The following RAP1GAP2 variants were observed in gnomAD, a reference collection of about 807,000 sequenced individuals.
RAP1GAP2 encodes rap1 GTPase-activating protein 2.
Under a neutral mutation model 95.0 loss-of-function variants are expected in RAP1GAP2, and 27 were observed. The observed-to-expected ratio is 0.28, with a 90% confidence interval of 0.21 to 0.39. The LOEUF (loss-of-function observed/expected upper bound fraction) is 0.39. Ranked by LOEUF, RAP1GAP2 falls within the 10% of genes least tolerant of loss-of-function variation. RAP1GAP2 has a pLI of 1.00. For missense variants in RAP1GAP2, 771 were observed against 970.0 expected (o/e 0.79, Z 2.72); for synonymous variants, 373 against 380.9 (o/e 0.98, Z 0.24).
rs142948037 is a variant in RAP1GAP2, at chr17:3,029,717, C to T, written c.2108-1205C>T. 5.1e-3 allele frequency among the ~76,000 whole-genome samples: 783 copies of T among 152,224 alleles called. 7 individuals are homozygous for T. Among genetic ancestry groups the T allele is most frequent in the African/African-American group, 0.018 (731 of 41,514 alleles). ...GGCTGCACTAAGCTTTCCATACCCT[C>T]GGCCAGAGGACAGCCAGAAAGTCAA... On this transcript the variant is annotated intron_variant, in intron 22 of 24. Transcript: ENST00000254695. This position sits in a 1 kb window ranked among gnomAD's most constrained non-coding sequence, Gnocchi z 4.4.
intron 8 of RAP1GAP2, among the ~76,000 whole-genome samples, chr17:2,968,021 A>G (rs1287852996): frequency 6.6e-6 from 1 of 152,200 alleles, no homozygotes; most frequent in African/African-American, 2.4e-5. Flanking sequence ...ATGGGTTTGT[A>G]AAAGAAGAGA....
Position 3,036,085 on chromosome 17 carries a change from A to G in RAP1GAP2, c.*2724A>G, listed in dbSNP as rs1224966047. The G allele has an allele frequency of 2.0e-5, 3 of 152,240 alleles. No homozygotes were observed. The highest frequency in any genetic ancestry group is 7.2e-5 in the African/African-American group (3 of 41,460). The allele number at this position is 152,240 out of a possible 1,614,324, so 9.4% of individuals were successfully genotyped here. On this transcript the variant is annotated 3_prime_UTR_variant, in exon 25 of 25. Coordinates refer to ENST00000254695, the MANE Select transcript of RAP1GAP2 (RefSeq NM_015085.5). The stretch of plus-strand genomic sequence containing the variant: ...TATGCCTCCAGCTCAGTTGACGCTT[A>G]AAAACAGGTGCAGAAAAGCTCGCGA...
rs1189300346 is a variant in RAP1GAP2 at position 2,825,635 on chromosome 17, C to A, written c.80+25085C>A. On this transcript the variant is annotated intron_variant, in intron 2 of 24. Transcript: ENST00000254695. This position sits in a 1 kb window ranked among gnomAD's most constrained non-coding sequence, Gnocchi z 4.1. ...CCATCCGGAAAGTGAAGATAAGGAGCGTCCCTGTCTCACAGGGATGTTTGA... is the reference window on the plus strand; with the variant it reads ...CCATCCGGAAAGTGAAGATAAGGAGAGTCCCTGTCTCACAGGGATGTTTGA... 6.6e-6 allele frequency among the ~76,000 whole-genome samples: 1 copy of A among 152,034 alleles called. No individual in the cohort carries two copies. The highest frequency in any genetic ancestry group is 2.4e-5 in the African/African-American group (1 of 41,416).
intron 19 of RAP1GAP2, among the ~76,000 whole-genome samples, chr17:3,022,037 T>G (rs2046979991): frequency 6.6e-6 from 1 of 152,130 alleles, no homozygotes; most frequent in Non-Finnish European, 1.5e-5. Flanking sequence ...GTAGCTCTAG[T>G]TTTAGTGTTT....
intron 11 of RAP1GAP2, among the ~76,000 whole-genome samples, chr17:2,987,714 A>G (rs2045603894): frequency 6.6e-6 from 1 of 152,198 alleles, no homozygotes; most frequent in East Asian, 1.9e-4. Context: ...CTGGAAAACC[A>G]GTATCATGAA....
At chr17:2,892,880 C>T (rs1188954427) in intron 2 of RAP1GAP2, among the ~76,000 whole-genome samples, 3 of 152,196 alleles carry the variant, frequency 2.0e-5, no homozygotes, top group Admixed American at 6.5e-5. Flanking sequence ...CAGCTCCCCT[C>T]CCCTTTCTCT....
chr17:3,026,129 A>C lies in RAP1GAP2; in HGVS notation c.1865+8A>C, dbSNP rs766847966. Reference sequence around the variant, plus strand: ...CTGCCCCAACAAGGAGAAGTAAGAGAGTGAGGGTGGGAAAGGCCAGCTTCG... The same window carrying C: ...CTGCCCCAACAAGGAGAAGTAAGAGCGTGAGGGTGGGAAAGGCCAGCTTCG... On this transcript the variant is annotated splice_region_variant and intron_variant, in intron 20 of 24. Coordinates refer to ENST00000254695, the MANE Select transcript of RAP1GAP2 (RefSeq NM_015085.5). 5.6e-6 allele frequency: 9 copies of C among 1,600,092 alleles called. No individual in the cohort carries two copies. In the East Asian group the frequency reaches 2.0e-4, roughly 36 times the overall value.
At chr17:2,763,640 G>A (rs2068225005) in intron 1 of RAP1GAP2, among the ~76,000 whole-genome samples, 1 of 152,086 alleles carries the variant, frequency 6.6e-6, no homozygotes. Flanking sequence ...AGGTTGCAAT[G>A]AGCCGAGATT....
intron 16 of RAP1GAP2, among the ~76,000 whole-genome samples, chr17:3,006,277 C>A (rs565504527): frequency 6.6e-6 from 1 of 151,444 alleles, no homozygotes; most frequent in Non-Finnish European, 1.5e-5. Context: ...TACAGGTGTG[C>A]GCCACCACGC....
At chr17:2,837,647 C>G (rs540136683) in intron 2 of RAP1GAP2, among the ~76,000 whole-genome samples, 1 of 150,350 alleles carries the variant, frequency 6.7e-6, no homozygotes, top group African/African-American at 2.4e-5. Flanking sequence ...CACTCAGTTG[C>G]CCAGGCTGGA....
At chr17:2,984,558 C>T (rs1490612603) in intron 10 of RAP1GAP2, among the ~76,000 whole-genome samples, 1 of 152,154 alleles carries the variant, frequency 6.6e-6, no homozygotes, top group East Asian at 1.9e-4. Flanking sequence ...GAAGTTTGGT[C>T]AGGAGCGGTG....
At chr17:2,920,756 G>T (rs145231827) in intron 3 of RAP1GAP2, among the ~76,000 whole-genome samples, 408 of 152,290 alleles carry the variant, frequency 2.7e-3, no homozygotes, top group Non-Finnish European at 4.8e-3. Flanking sequence ...TGCCAAACAC[G>T]CATAGGGTGG....
intron 17 of RAP1GAP2, among the ~76,000 whole-genome samples, chr17:3,012,634 A>G (rs952865908): frequency 6.9e-6 from 1 of 144,380 alleles, no homozygotes; most frequent in African/African-American, 2.6e-5. Flanking sequence ...AAAAAAAACA[A>G]ACCTAAAGTT....
rs1184913571 is a variant in RAP1GAP2, at chr17:3,005,531, C to A, written c.1272+91C>A. On this transcript the variant is annotated intron_variant, in intron 15 of 24. Transcript: ENST00000254695. The surrounding 1 kb of genome is among the most constrained non-coding windows in gnomAD (Gnocchi z 5.2). ...TGGTTGGGATGGAGCCAAATTCAGG[C>A]TGGGAACATTAGGGAGCTCCTTTTG... is the stretch of plus-strand genomic sequence containing the variant. 2.8e-6 allele frequency: 4 copies of A among 1,413,064 alleles called. No individual in the cohort carries two copies. Among genetic ancestry groups the A allele is most frequent in the East Asian group, 2.3e-5 (1 of 43,918 alleles). The allele number at this position is 1,413,064 out of a possible 1,614,324, so 87.5% of individuals were successfully genotyped here.
intron 2 of RAP1GAP2, among the ~76,000 whole-genome samples, chr17:2,845,141 T>C (rs2071532009): frequency 6.6e-6 from 1 of 152,150 alleles, no homozygotes; most frequent in South Asian, 2.1e-4. Flanking sequence ...CAGTCTTTTT[T>C]TGTTGTTGTT....
At chr17:2,960,503 G>A (rs766834000) in intron 4 of RAP1GAP2, among the ~76,000 whole-genome samples, 11 of 152,204 alleles carry the variant, frequency 7.2e-5, no homozygotes, top group African/African-American at 9.6e-5. Context: ...AGGGAAGTCC[G>A]CAGAGGCTGC....
At chr17:2,818,131 C>T (rs1448972313) in intron 2 of RAP1GAP2, among the ~76,000 whole-genome samples, 4 of 151,744 alleles carry the variant, frequency 2.6e-5, no homozygotes, top group Non-Finnish European at 4.4e-5. Flanking sequence ...CCACTGCGCC[C>T]GGCCTCTATG....
At chr17:2,766,607 C>T (rs1486808395) in intron 1 of RAP1GAP2, among the ~76,000 whole-genome samples, 2 of 150,204 alleles carry the variant, frequency 1.3e-5, no homozygotes, top group African/African-American at 4.9e-5. Flanking sequence ...AAGACTCCGT[C>T]TAAAAAAAAA....
At chr17:2,863,924 T>G (rs1375910413) in intron 2 of RAP1GAP2, among the ~76,000 whole-genome samples, 1 of 151,854 alleles carries the variant, frequency 6.6e-6, no homozygotes, top group African/African-American at 2.4e-5. Flanking sequence ...TGGTGGTGGG[T>G]GCCTGTAATC....
Sources: gnomAD v4.1 joint callset for allele counts (sites outside exome capture counted in the v4.1 genomes callset) on GRCh38, gnomAD v4.1.1 for gene constraint, Gnocchi (gnomAD v3.1) non-coding constraint, MANE v1.5 for transcripts, NCBI Gene and HGNC (gene_info 2026-07-23, HGNC 2026-07-21) for gene names.